EFNA5: variants seen among roughly 807,000 people sequenced by gnomAD.
EFNA5 encodes the protein ephrin-A5.
In EFNA5, 5 loss-of-function variants were observed where a neutral mutation model predicts 22.9. The ratio of observed to expected loss-of-function variants is 0.22; its 90% confidence interval spans 0.11 to 0.46. The LOEUF (loss-of-function observed/expected upper bound fraction) is 0.46, where lower values mean the gene tolerates loss of function less well. Ranked by LOEUF, EFNA5 falls within the 20% of genes least tolerant of loss-of-function variation. The pLI, the probability that EFNA5 is intolerant of heterozygous loss-of-function variation, is 0.99. For synonymous variants in EFNA5, 113 were observed against 112.2 expected (o/e 1.01, Z -0.04); for missense variants, 237 against 293.3 (o/e 0.81, Z 1.40).
chr5:107,647,217 A>G (rs1015675569), intron 1 of EFNA5, among the ~76,000 whole-genome samples: 4 of 152,136 alleles, frequency 2.6e-5, no homozygotes, highest in African/African-American at 7.2e-5. Context: ...TATCATATTC[A>G]ATTCTGGAAA....
chr5:107,391,346 A>T (rs1747791036), intron 2 of EFNA5, among the ~76,000 whole-genome samples: 1 of 152,196 alleles, frequency 6.6e-6, no homozygotes, highest in South Asian at 2.1e-4. Context: ...GTTTACATGA[A>T]GAGCCAGCAC....
At chr5:107,493,575 T>C (rs2112416524) in intron 1 of EFNA5, among the ~76,000 whole-genome samples, 1 of 152,356 alleles carries the variant, frequency 6.6e-6, no homozygotes, top group Admixed American at 6.5e-5. Context: ...TACAAGACTC[T>C]GGAAAACCGA....
chr5:107,645,995 C>T (rs1383742881), intron 1 of EFNA5, among the ~76,000 whole-genome samples: 1 of 152,190 alleles, frequency 6.6e-6, no homozygotes, highest in Non-Finnish European at 1.5e-5. Flanking sequence ...TCTATTTACA[C>T]TTCTGCTGTG....
chr5:107,633,061 T>C (rs773174474), intron 1 of EFNA5, among the ~76,000 whole-genome samples: 1 of 152,176 alleles, frequency 6.6e-6, no homozygotes, highest in Non-Finnish European at 1.5e-5. Context: ...CACACAGAGA[T>C]ATAACAAGAG....
intron 1 of EFNA5, among the ~76,000 whole-genome samples, chr5:107,593,055 C>A (rs1030549514): frequency 1.3e-5 from 2 of 152,228 alleles, no homozygotes; most frequent in African/African-American, 2.4e-5. Context: ...GGGATTGTGG[C>A]ATGAGATCTC....
chr5:107,548,572 G>C (rs1748220552), intron 1 of EFNA5, among the ~76,000 whole-genome samples: 2 of 152,178 alleles, frequency 1.3e-5, no homozygotes, highest in African/African-American at 4.8e-5. Context: ...GATTCCTGTT[G>C]TACAACGGGC....
intron 1 of EFNA5, among the ~76,000 whole-genome samples, chr5:107,580,854 G>A (rs907642456): frequency 6.6e-6 from 1 of 152,160 alleles, no homozygotes; most frequent in African/African-American, 2.4e-5. Context: ...AAGTGTGGCT[G>A]TTTTGGTCAA....
At position 107,387,283 on chromosome 5, in the gene EFNA5, G is replaced by T; in HGVS notation, c.517C>A (p.Arg173Ser). 6.2e-7 allele frequency: 1 copy of T among 1,604,446 alleles called. No individual in the cohort carries two copies. The highest frequency in any genetic ancestry group is 1.1e-5 in the South Asian group (1 of 89,630). The change falls in exon 4 of 5, where the codon CGT becomes AGT. Residue 173 changes from arginine (R) to serine (S), a missense_variant. Coordinates refer to ENST00000333274, the MANE Select transcript of EFNA5 (RefSeq NM_001962.3). ...ACTTTGTCGTTAACATCGAAAACAC[G>T]ATCATGAACACCTATAGTTTTCATA... Reference protein sequence around the residue: ...SCMKTIGVHDRVFDVNDKVEN... With the variant: ...SCMKTIGVHDSVFDVNDKVEN...
At chr5:107,530,282 G>C (rs1405699843) in intron 1 of EFNA5, among the ~76,000 whole-genome samples, 2 of 152,200 alleles carry the variant, frequency 1.3e-5, no homozygotes, top group Non-Finnish European at 2.9e-5. Flanking sequence ...GAGGGAGAAG[G>C]AATGGTGAAG....
chr5:107,533,302 G>A (rs1747860181), intron 1 of EFNA5, among the ~76,000 whole-genome samples: 1 of 152,046 alleles, frequency 6.6e-6, no homozygotes, highest in Non-Finnish European at 1.5e-5. Context: ...TACATTCCAA[G>A]CACAACTGAG....
At chr5:107,525,449 A>T (rs1747675345) in intron 1 of EFNA5, among the ~76,000 whole-genome samples, 1 of 152,192 alleles carries the variant, frequency 6.6e-6, no homozygotes, top group African/African-American at 2.4e-5. Flanking sequence ...TGCAGTTGAA[A>T]ATCCATGTAT....
chr5:107,592,049 C>T (rs186061181), intron 1 of EFNA5, among the ~76,000 whole-genome samples: 1,276 of 66,268 alleles, frequency 0.019, 225 homozygotes, highest in African/African-American at 0.12. Context: ...ATATATTATA[C>T]ATTAAACATA....
At chr5:107,631,967 C>A (rs551410552) in intron 1 of EFNA5, among the ~76,000 whole-genome samples, 9 of 152,326 alleles carry the variant, frequency 5.9e-5, no homozygotes, top group African/African-American at 1.2e-4. Context: ...CTCGCTGTAC[C>A]TCCCAGGAGA....
intron 2 of EFNA5, among the ~76,000 whole-genome samples, chr5:107,417,944 T>C (rs1020254328): frequency 3.3e-5 from 5 of 152,190 alleles, no homozygotes; most frequent in Non-Finnish European, 5.9e-5. Context: ...TTTCTTCTGA[T>C]GAAAGGCCCA....
chr5:107,496,498 C>T lies in EFNA5; in HGVS notation c.126-68989G>A, dbSNP rs1282780402. 2.0e-5 allele frequency among the ~76,000 whole-genome samples: 3 copies of T among 152,198 alleles called. No homozygotes were observed. The East Asian group carries it at 5.8e-4, about 29-fold the overall frequency. On this transcript the variant is annotated intron_variant, in intron 1 of 4. Coordinates refer to ENST00000333274, the MANE Select transcript of EFNA5 (RefSeq NM_001962.3). ...TTTCCATAGAGGATGAGCATTTGGC[C>T]TTTAGGAGGGATTGAGAAGTACCTT...
intron 1 of EFNA5, among the ~76,000 whole-genome samples, chr5:107,653,139 T>C (rs1750765992): frequency 6.6e-6 from 1 of 152,062 alleles, no homozygotes; most frequent in African/African-American, 2.4e-5. Context: ...CCTTTTACTT[T>C]CTTCCAAGTT....
intron 1 of EFNA5, among the ~76,000 whole-genome samples, chr5:107,556,312 G>A (rs55985612): frequency 6.6e-6 from 1 of 152,118 alleles, no homozygotes; most frequent in Non-Finnish European, 1.5e-5. Context: ...TACTTAATCT[G>A]CACAAGAGTC....
Position 107,668,703 on chromosome 5 carries a change from A to T in EFNA5, c.125+1786T>A, listed in dbSNP as rs183951790. On this transcript the variant is annotated intron_variant, in intron 1 of 4. Coordinates refer to ENST00000333274, the MANE Select transcript of EFNA5 (RefSeq NM_001962.3). ...AAGGTGCTAAAGTTCAGAGATACAAATTTCTGCTTCGTATATGCTGCCTAA... is the reference window on the plus strand; with the variant it reads ...AAGGTGCTAAAGTTCAGAGATACAATTTTCTGCTTCGTATATGCTGCCTAA... Among the ~76,000 whole-genome samples the T allele has an allele frequency of 3.9e-5, 6 of 152,306 alleles. No individual in the cohort carries two copies. In the East Asian group the frequency reaches 9.6e-4, roughly 24 times the overall value.
intron 2 of EFNA5, among the ~76,000 whole-genome samples, chr5:107,402,208 T>C (rs1748104128): frequency 6.6e-6 from 1 of 152,074 alleles, no homozygotes; most frequent in Non-Finnish European, 1.5e-5. Flanking sequence ...TAAAACAACA[T>C]GAAAATATAG....
Sources: gnomAD v4.1 joint callset for allele counts (sites outside exome capture counted in the v4.1 genomes callset) on GRCh38, gnomAD v4.1.1 for gene constraint, MANE v1.5 for transcripts, NCBI Gene and HGNC (gene_info 2026-07-23, HGNC 2026-07-21) for gene names.